XIRP2: variants seen among roughly 807,000 people sequenced by gnomAD.
The protein encoded by XIRP2 is xin actin-binding repeat-containing protein 2.
XIRP2 carries 236 observed loss-of-function variants against 277.0 expected under a neutral mutation model. That is an observed-to-expected ratio of 0.85 (90% CI 0.77 to 0.95). The LOEUF (loss-of-function observed/expected upper bound fraction) is 0.95. Ranked by LOEUF, XIRP2 falls within the 40% of genes least tolerant of loss-of-function variation. The pLI is 0.00. For synonymous variants in XIRP2, 1,490 were observed against 1,416.5 expected (o/e 1.05, Z -1.17); for missense variants, 4,640 against 4,157.5 (o/e 1.12, Z -3.19).
Position 167,259,400 on chromosome 2 carries a change from T to C in XIRP2, c.*1583T>C, listed in dbSNP as rs1695779430. The C allele has an allele frequency of 1.3e-6, 2 of 1,524,950 alleles. No individual in the cohort carries two copies. The highest frequency in any genetic ancestry group is 4.6e-5 in the East Asian group (2 of 43,738). The allele number at this position is 1,524,950 out of a possible 1,614,324, so 94.5% of individuals were successfully genotyped here. The stretch of plus-strand genomic sequence containing the variant: ...CCACTGACAGTCCACACTTAGGCAC[T>C]GAGAGATATTGATGTTCTGAAATAA... On this transcript the variant is annotated 3_prime_UTR_variant, in exon 11 of 11. Coordinates refer to ENST00000409195, the MANE Select transcript of XIRP2 (RefSeq NM_152381.6).
At chr2:167,188,537 C>T (rs1001804283) in intron 3 of XIRP2, among the ~76,000 whole-genome samples, 1 of 152,182 alleles carries the variant, frequency 6.6e-6, no homozygotes, top group East Asian at 1.9e-4. Flanking sequence ...TGGCGACATT[C>T]AGAGCCATGA....
intron 3 of XIRP2, among the ~76,000 whole-genome samples, chr2:167,194,320 A>G (rs1472103461): frequency 6.6e-6 from 1 of 152,136 alleles, no homozygotes; most frequent in Non-Finnish European, 1.5e-5. Flanking sequence ...ACCTCAGGTT[A>G]TCCACCTGCC....
At position 167,250,993 on chromosome 2, in the gene XIRP2, G is replaced by C. The variant is rs747718447; in HGVS notation, c.9601G>C (p.Ala3201Pro). 1.2e-6 allele frequency: 2 copies of C among 1,613,672 alleles called. No individual in the cohort carries two copies. Among genetic ancestry groups the C allele is most frequent in the East Asian group, 2.2e-5 (1 of 44,828 alleles). The change falls in exon 9 of 11, where the codon GCA becomes CCA. Residue 3201 changes from alanine (A) to proline (P), a missense_variant. Physicochemically the swap from Ala to Pro is conservative, Grantham distance 27. Coordinates refer to ENST00000409195, the MANE Select transcript of XIRP2 (RefSeq NM_152381.6). ...ATCCAAAGGGGCCATCCCATGTCCA[G>C]CAGCAACCCCGGTTCCAATTGTAGA... ...KLSKGAIPCP[A>P]ATPVPIVEKR...
chr2:167,119,947 G>A (rs1283526993), intron 2 of XIRP2, among the ~76,000 whole-genome samples: 1 of 152,144 alleles, frequency 6.6e-6, no homozygotes, highest in African/African-American at 2.4e-5. Context: ...AATCCACTTA[G>A]AGGCTTCCCT....
At chr2:167,198,330 A>C (rs1337340267) in intron 3 of XIRP2, among the ~76,000 whole-genome samples, 2 of 152,222 alleles carry the variant, frequency 1.3e-5, no homozygotes, top group African/African-American at 4.8e-5. Flanking sequence ...GAGTTTTGAT[A>C]CATTAAAATT....
At chr2:167,164,736 A>G (rs1378095897) in intron 3 of XIRP2, among the ~76,000 whole-genome samples, 2 of 152,128 alleles carry the variant, frequency 1.3e-5, no homozygotes, top group Non-Finnish European at 2.9e-5. Flanking sequence ...ATTATTTTTA[A>G]TCAATTTTAG....
At chr2:167,239,198 C>T (rs1694985091) in intron 5 of XIRP2, among the ~76,000 whole-genome samples, 1 of 152,034 alleles carries the variant, frequency 6.6e-6, no homozygotes, top group Non-Finnish European at 1.5e-5. Flanking sequence ...AAAAAAAATA[C>T]ATATATATTT....
chr2:167,079,579 T>C lies in XIRP2; in HGVS notation c.409-56330T>C, dbSNP rs556946194. ...GACTCAGTCATGGAGGCTGTATGTT[T>C]CCAGGGATTTATCCATTTCCTCTCA... On this transcript the variant is annotated intron_variant, in intron 2 of 10. Transcript: ENST00000409195. 5.3e-5 allele frequency among the ~76,000 whole-genome samples: 8 copies of C among 152,254 alleles called. No homozygotes were observed. The South Asian group carries it at 1.7e-3, about 32-fold the overall frequency.
rs1486867792 is a variant in XIRP2, at chr2:167,259,601, T to C, written c.*1784T>C. On this transcript the variant is annotated 3_prime_UTR_variant, in exon 11 of 11. Coordinates refer to ENST00000409195, the MANE Select transcript of XIRP2 (RefSeq NM_152381.6). ...AAGAGATGAAACACTATGGATATGT[T>C]TTCCATTCAAATGGCACTTTAGCAT... 2.5e-6 allele frequency: 1 copy of C among 404,348 alleles called. No individual in the cohort carries two copies. Among genetic ancestry groups the C allele is most frequent in the Non-Finnish European group, 4.5e-6 (1 of 221,146 alleles). 25.0% of individuals were successfully genotyped at this position (404,348 alleles called of 1,614,324 possible). A position where few individuals can be genotyped will look rare whatever the true frequency, so the allele number is the denominator to read the frequency against.
intron 5 of XIRP2, among the ~76,000 whole-genome samples, chr2:167,228,741 T>C (rs1003619407): frequency 6.6e-6 from 1 of 152,138 alleles, no homozygotes; most frequent in Non-Finnish European, 1.5e-5. Context: ...CATCATTGGT[T>C]TCTTTTCTTT....
intron 2 of XIRP2, among the ~76,000 whole-genome samples, chr2:167,003,812 G>GA (rs1558943652): frequency 6.6e-6 from 1 of 151,818 alleles, no homozygotes; most frequent in Non-Finnish European, 1.5e-5. Flanking sequence ...AAATGAAAAT[G>GA]AAAATACAAG....
chr2:166,939,544 G>A (rs1208533088), intron 2 of XIRP2, among the ~76,000 whole-genome samples: 1 of 151,478 alleles, frequency 6.6e-6, no homozygotes, highest in Non-Finnish European at 1.5e-5. Flanking sequence ...GCTGGGCGTG[G>A]TGGTGGCCTC....
intron 2 of XIRP2, among the ~76,000 whole-genome samples, chr2:166,954,426 T>TG (rs1379051024): frequency 6.6e-6 from 1 of 151,898 alleles, no homozygotes; most frequent in African/African-American, 2.4e-5. Flanking sequence ...CAACAGATGC[T>TG]GGTGAGGTTG....
At chr2:167,255,204 C>G (rs1395293897) in intron 10 of XIRP2, among the ~76,000 whole-genome samples, 1 of 151,814 alleles carries the variant, frequency 6.6e-6, no homozygotes, top group Non-Finnish European at 1.5e-5. Flanking sequence ...TTTAAATAAT[C>G]TATGTGGTAA....
At chr2:167,153,339 A>G (rs545980510) in intron 3 of XIRP2, among the ~76,000 whole-genome samples, 1 of 152,016 alleles carries the variant, frequency 6.6e-6, no homozygotes, top group South Asian at 2.1e-4. Flanking sequence ...TTTAAGCTTC[A>G]GTGTTTCACT....
At chr2:167,055,879 C>A (rs1326612381) in intron 2 of XIRP2, among the ~76,000 whole-genome samples, 1 of 152,092 alleles carries the variant, frequency 6.6e-6, no homozygotes, top group African/African-American at 2.4e-5. Flanking sequence ...GGACTATATA[C>A]CCTAGGATTC....
intron 2 of XIRP2, among the ~76,000 whole-genome samples, chr2:167,086,560 C>G (rs1306376818): frequency 6.6e-6 from 1 of 151,912 alleles, no homozygotes; most frequent in African/African-American, 2.4e-5. Context: ...TTCCATTCTC[C>G]TCATCACTTT....
At chr2:167,119,363 A>G (rs1690987634) in intron 2 of XIRP2, among the ~76,000 whole-genome samples, 1 of 152,224 alleles carries the variant, frequency 6.6e-6, no homozygotes. Flanking sequence ...TCAGACAAAT[A>G]CAAATGTAAA....
intron 3 of XIRP2, among the ~76,000 whole-genome samples, chr2:167,137,154 C>T (rs1574287782): frequency 6.6e-6 from 1 of 152,136 alleles, no homozygotes; most frequent in Admixed American, 6.6e-5. Context: ...CATTCTGATT[C>T]CGTTTGGTTT....
Sources: allele counts gnomAD v4.1 joint callset (sites outside exome capture counted in the v4.1 genomes callset), GRCh38; gene constraint gnomAD v4.1.1; transcripts MANE v1.5; gene names NCBI Gene and HGNC (gene_info 2026-07-23, HGNC 2026-07-21).